Variants in PLA2G12A observed in about 807,000 individuals in gnomAD.
The protein encoded by PLA2G12A is group XIIA secretory phospholipase A2.
A neutral mutation model predicts 16.0 loss-of-function variants in PLA2G12A; 11 were observed. That is an observed-to-expected ratio of 0.69 (90% CI 0.43 to 1.13). The LOEUF is 1.13. Among genes scored for constraint, PLA2G12A ranks in the 50% most tolerant of loss-of-function variants. The pLI is 0.00. For missense variants in PLA2G12A, 214 were observed against 237.3 expected (o/e 0.90, Z 0.65); for synonymous variants, 77 against 93.8 (o/e 0.82, Z 1.03).
chr4:109,725,808 CAAG>C (rs1722924172), intron 1 of PLA2G12A, among the ~76,000 whole-genome samples: 1 of 152,146 alleles, frequency 6.6e-6, no homozygotes, highest in Non-Finnish European at 1.5e-5. Context: ...ATGACAAGCA[CAAG>C]AAGTAGTCTG....
Position 109,729,832 on chromosome 4 carries a change from G to A in PLA2G12A, c.-23C>T. 6.5e-7 allele frequency: 1 copy of A among 1,541,542 alleles called. No homozygotes were observed. Among genetic ancestry groups the A allele is most frequent in the East Asian group, 2.5e-5 (1 of 40,552 alleles). On this transcript the variant is annotated 5_prime_UTR_variant, in exon 1 of 4. Transcript: ENST00000243501. Reference sequence around the variant, plus strand: ...CATGCGCGCAGCGCCGGGCTCTACGGGTCCCCGAGCCGCGGCGCGGGGCGC... The same window carrying A: ...CATGCGCGCAGCGCCGGGCTCTACGAGTCCCCGAGCCGCGGCGCGGGGCGC...
In PLA2G12A at chr4:109,714,474, A is replaced by G. The variant is rs1197205762; in HGVS notation, c.473T>C (p.Leu158Pro). 2 of 1,613,534 alleles carry G rather than the reference A, an allele frequency of 1.2e-6. No homozygotes were observed. The highest frequency in any genetic ancestry group is 2.7e-5 in the African/African-American group (2 of 74,878). ...TAAATGTATAACACTGTCAAACAAG[A>G]GCTCCACTGTTGTTTCACATGCTGC... Reference protein sequence around the residue: ...HVQACETTVELLFDSVIHLGC... With the variant: ...HVQACETTVEPLFDSVIHLGC... The change falls in exon 4 of 4, where the codon CTC becomes CCC. Residue 158 changes from leucine to proline, a missense_variant. Transcript: ENST00000243501.
intron 1 of PLA2G12A, among the ~76,000 whole-genome samples, chr4:109,719,408 T>C (rs915713698): frequency 3.3e-5 from 5 of 151,920 alleles, no homozygotes; most frequent in Non-Finnish European, 7.4e-5. Flanking sequence ...GGAGGGATAC[T>C]TGATGAACTA....
rs1046707977 is a variant in PLA2G12A at position 109,729,982 on chromosome 4, G to C, written c.-173C>G. On this transcript the variant is annotated 5_prime_UTR_variant, in exon 1 of 4. Transcript: ENST00000243501. Reference sequence around the variant, plus strand: ...GGATCTCGCTGTCTTTACGTGAACCGCCTCGGGCAGGCAGCGCCGTCGCGG... The same window carrying C: ...GGATCTCGCTGTCTTTACGTGAACCCCCTCGGGCAGGCAGCGCCGTCGCGG... The C allele has an allele frequency of 1.2e-5, 7 of 575,834 alleles. No homozygotes were observed. Among genetic ancestry groups the C allele is most frequent in the African/African-American group, 1.2e-4 (6 of 49,662 alleles). The allele number at this position is 575,834 out of a possible 1,614,324, so 35.7% of individuals were successfully genotyped here. A position where few individuals can be genotyped will look rare whatever the true frequency, so the allele number is the denominator to read the frequency against.
Position 109,718,692 on chromosome 4 carries a change from A to T in PLA2G12A, c.276T>A (p.Phe92Leu), listed in dbSNP as rs543058170. ...AAAAGACAATATTTACATGAACACC[A>T]AACAGTGGAGAGCCACATCCATTCG... is the stretch of plus-strand genomic sequence containing the variant. ...SPPNGCGSPL[F>L]GVHLNIGIPS... The change falls in exon 2 of 4, where the codon TTT (phenylalanine) becomes TTA (leucine). Residue 92 changes from phenylalanine to leucine, a missense_variant. Transcript: ENST00000243501. 1 of 1,598,206 alleles carries T rather than the reference A, an allele frequency of 6.3e-7. No individual in the cohort carries two copies. The highest frequency in any genetic ancestry group is 1.7e-5 in the Admixed American group (1 of 58,368).
chr4:109,717,401 A>T, intron 3 of PLA2G12A, 147 bp downstream of exon 3: 1 of 830,112 alleles, frequency 1.2e-6, no homozygotes, highest in Middle Eastern at 3.9e-4. Flanking sequence ...TAAAATCATC[A>T]GCTCCTCACC....
intron 1 of PLA2G12A, among the ~76,000 whole-genome samples, chr4:109,720,574 C>CAAAA (rs61477793): frequency 3.7e-4 from 14 of 37,464 alleles, no homozygotes; most frequent in Non-Finnish European, 5.3e-4. Context: ...TGTCTGTATT[C>CAAAA]AAAAAAAAAA....
In PLA2G12A at chr4:109,712,038, A is replaced by G. The variant is rs1730741645; in HGVS notation, c.*2339T>C. ...AGGTTATGAAAAAGAAAGACTGTGG[A>G]ACTATCACAGACCAGAGGCTAATTA... On this transcript the variant is annotated 3_prime_UTR_variant, in exon 4 of 4. Transcript: ENST00000243501. 2.6e-5 allele frequency: 4 copies of G among 152,392 alleles called. No individual in the cohort carries two copies. In the South Asian group the frequency reaches 8.3e-4, roughly 32 times the overall value. The allele number at this position is 152,392 out of a possible 1,614,324, so 9.4% of individuals were successfully genotyped here. A position where few individuals can be genotyped will look rare whatever the true frequency, so the allele number is the denominator to read the frequency against.
At position 109,711,262 on chromosome 4, in the gene PLA2G12A, C is replaced by T. The variant is rs1440013250; in HGVS notation, c.*3115G>A. 1 of 152,052 alleles carries T rather than the reference C, an allele frequency of 6.6e-6. No individual in the cohort carries two copies. The highest frequency in any genetic ancestry group is 1.5e-5 in the Non-Finnish European group (1 of 68,014). 9.4% of individuals were successfully genotyped at this position (152,052 alleles called of 1,614,324 possible). A position where few individuals can be genotyped will look rare whatever the true frequency, so the allele number is the denominator to read the frequency against. ...TGGATTAATATACATACATATTTCTCAACTCTGCTACAAACAGTGACATCC... is the reference window on the plus strand; with the variant it reads ...TGGATTAATATACATACATATTTCTTAACTCTGCTACAAACAGTGACATCC... On this transcript the variant is annotated 3_prime_UTR_variant, in exon 4 of 4. Transcript: ENST00000243501.
At chr4:109,716,809 A>G (rs932958583) in intron 3 of PLA2G12A, among the ~76,000 whole-genome samples, 3 of 152,228 alleles carry the variant, frequency 2.0e-5, no homozygotes, top group South Asian at 2.1e-4. Flanking sequence ...ACAGAAACCC[A>G]TAAGACAAGT....
At chr4:109,718,911 T>C in intron 1 of PLA2G12A, 152 bp from the exon 2 acceptor site, 1 of 597,198 alleles carries the variant, frequency 1.7e-6, no homozygotes, top group Non-Finnish European at 2.9e-6. Context: ...CTGATGAGCA[T>C]TAAGAATGCT....
At chr4:109,719,525 G>C (rs1183928714) in intron 1 of PLA2G12A, among the ~76,000 whole-genome samples, 3 of 152,170 alleles carry the variant, frequency 2.0e-5, no homozygotes, top group Admixed American at 2.0e-4. Flanking sequence ...CAAGGAAAAA[G>C]ATGACATTAT....
At chr4:109,715,807 G>A (rs1730819916) in intron 3 of PLA2G12A, among the ~76,000 whole-genome samples, 1 of 152,180 alleles carries the variant, frequency 6.6e-6, no homozygotes, top group Non-Finnish European at 1.5e-5. Flanking sequence ...TGAAGACTAT[G>A]AAAAGGTAAT....
intron 2 of PLA2G12A, 39 bp downstream of exon 2, chr4:109,718,644 A>C: frequency 7.0e-7 from 1 of 1,420,748 alleles, no homozygotes. Flanking sequence ...TACATGATTT[A>C]CCAGTTACAA....
At position 109,714,457 on chromosome 4, in the gene PLA2G12A, T is replaced by A. The variant is rs751581077; in HGVS notation, c.490A>T (p.Ile164Leu). ...AGATATGGTTTACAACCTAAATGTATAACACTGTCAAACAAGAGCTCCACT... is the reference window on the plus strand; with the variant it reads ...AGATATGGTTTACAACCTAAATGTAAAACACTGTCAAACAAGAGCTCCACT... The part of the protein sequence containing the change: ...TTVELLFDSV[I>L]HLGCKPYLDS... Residue 164 changes from isoleucine (I) to leucine (L), a missense_variant, in exon 4 of 4, where the codon ATA becomes TTA. Transcript: ENST00000243501. 1.2e-6 allele frequency: 2 copies of A among 1,614,076 alleles called. No individual in the cohort carries two copies. Among genetic ancestry groups the A allele is most frequent in the African/African-American group, 2.7e-5 (2 of 75,044 alleles).
At chr4:109,728,130 T>C (rs1017987517) in intron 1 of PLA2G12A, among the ~76,000 whole-genome samples, 17 of 152,208 alleles carry the variant, frequency 1.1e-4, no homozygotes, top group Non-Finnish European at 2.5e-4. Context: ...TCAAATATTC[T>C]TTCATCAGTG....
At chr4:109,722,954 A>T (rs1391578965) in intron 1 of PLA2G12A, among the ~76,000 whole-genome samples, 1 of 152,344 alleles carries the variant, frequency 6.6e-6, no homozygotes, top group East Asian at 1.9e-4. Context: ...TGGAATATTC[A>T]TTATAAATGG....
Position 109,717,697 on chromosome 4 carries a change from G to A in PLA2G12A, c.302C>T (p.Pro101Leu), listed in dbSNP as rs1730853381. The A allele has an allele frequency of 4.3e-6, 7 of 1,613,886 alleles. No homozygotes were observed. Among genetic ancestry groups the A allele is most frequent in the Middle Eastern group, 3.3e-4 (2 of 6,060 alleles). Residue 101 changes from proline (P) to leucine (L), a missense_variant, in exon 3 of 4, where the codon CCT becomes CTT. By Grantham distance (98) the Pro-to-Leu change is moderately conservative (BLOSUM62 -3). Coordinates refer to ENST00000243501, the MANE Select transcript of PLA2G12A (RefSeq NM_030821.5). ...TTGGTTGCAACACTTTGTCAGGGAAGGGATACCAATGTTAAGCTGCAAAAG... is the reference window on the plus strand; with the variant it reads ...TTGGTTGCAACACTTTGTCAGGGAAAGGATACCAATGTTAAGCTGCAAAAG... The part of the protein sequence containing the change: ...LFGVHLNIGI[P>L]SLTKCCNQHD...
intron 3 of PLA2G12A, among the ~76,000 whole-genome samples, chr4:109,717,117 T>C (rs1730842190): frequency 6.6e-6 from 1 of 152,212 alleles, no homozygotes; most frequent in Non-Finnish European, 1.5e-5. Flanking sequence ...AATCTGCTAG[T>C]GCCTTGATCT....
Sources: gnomAD v4.1 joint callset for allele counts (sites outside exome capture counted in the v4.1 genomes callset) on GRCh38, gnomAD v4.1.1 for gene constraint, MANE v1.5 for transcripts, NCBI Gene and HGNC (gene_info 2026-07-23, HGNC 2026-07-21) for gene names.